Variants in SGIP1 observed in about 807,000 individuals in gnomAD.
SGIP1 encodes the protein SH3GL interacting endocytic adaptor 1, also known as SH3-containing GRB2-like protein 3-interacting protein 1.
A neutral mutation model predicts 107.5 loss-of-function variants in SGIP1; 38 were observed. The ratio of observed to expected loss-of-function variants is 0.35; its 90% CI spans 0.27 to 0.46. The LOEUF (loss-of-function observed/expected upper bound fraction) is 0.46. Ranked by LOEUF, SGIP1 falls within the 20% of genes least tolerant of loss-of-function variation. The pLI is 1.00. For missense variants in SGIP1, 929 were observed against 1,019.5 expected, an observed-to-expected ratio of 0.91 and a Z score of 1.21; for synonymous variants, 365 against 366.1, an observed-to-expected ratio of 1.00 and a Z score of 0.03.
intron 4 of SGIP1, 41 bp downstream of exon 4, chr1:66,636,056 T>A: frequency 1.3e-6 from 2 of 1,566,436 alleles, no homozygotes; most frequent in Non-Finnish European, 1.8e-6. Context: ...CAAAGGGTTA[T>A]AAAAAACAGT....
intron 13 of SGIP1, 113 bp from the exon 14 acceptor site, chr1:66,679,565 C>T (rs991193883): frequency 9.2e-7 from 1 of 1,090,082 alleles, no homozygotes; most frequent in Non-Finnish European, 1.3e-6. Context: ...AATTGCTATT[C>T]CATTTCCAAT....
intron 18 of SGIP1, among the ~76,000 whole-genome samples, chr1:66,702,709 T>A (rs1027904797): frequency 5.3e-5 from 8 of 152,218 alleles, no homozygotes; most frequent in African/African-American, 1.9e-4. Flanking sequence ...TCAGACTCAC[T>A]GATAATGTAG....
At chr1:66,741,563 T>C in intron 24 of SGIP1, 127 bp downstream of exon 24, 2 of 951,460 alleles carry the variant, frequency 2.1e-6, no homozygotes, top group Non-Finnish European at 2.9e-6. Flanking sequence ...CCCATCCCAA[T>C]TAGAAAACCA....
At chr1:66,693,369 G>C (rs561349979) in intron 17 of SGIP1, among the ~76,000 whole-genome samples, 5 of 151,914 alleles carry the variant, frequency 3.3e-5, no homozygotes, top group Non-Finnish European at 7.4e-5. Context: ...AATATTATGA[G>C]GATAGAGAAA....
chr1:66,685,636 G>T (rs1299903257), intron 15 of SGIP1, among the ~76,000 whole-genome samples: 4 of 152,202 alleles, frequency 2.6e-5, no homozygotes, highest in Admixed American at 2.6e-4. Context: ...ACCTAGGGTT[G>T]AATTAACTGA....
chr1:66,611,883 G>T (rs1570583391), intron 1 of SGIP1, among the ~76,000 whole-genome samples: 1 of 152,136 alleles, frequency 6.6e-6, no homozygotes, highest in Admixed American at 6.5e-5. Context: ...GTTTATACAT[G>T]CCTCATGTGA....
chr1:66,566,625 A>G (rs918083410), intron 1 of SGIP1, among the ~76,000 whole-genome samples: 5 of 152,018 alleles, frequency 3.3e-5, no homozygotes, highest in African/African-American at 1.2e-4. Flanking sequence ...AAAACATGAT[A>G]GCTATGAAAA....
chr1:66,714,224 A>G (rs1557724743), intron 18 of SGIP1, among the ~76,000 whole-genome samples: 1 of 152,292 alleles, frequency 6.6e-6, no homozygotes, highest in South Asian at 2.1e-4. Context: ...GAGGAAACTG[A>G]TTACAGAGAG....
chr1:66,542,033 A>G (rs2148063488), intron 1 of SGIP1, among the ~76,000 whole-genome samples: 1 of 152,270 alleles, frequency 6.6e-6, no homozygotes, highest in East Asian at 1.9e-4. Flanking sequence ...TCTGCAGAGG[A>G]TATGTTCCAA....
At chr1:66,733,035 G>A (rs2094087847) in intron 20 of SGIP1, among the ~76,000 whole-genome samples, 1 of 152,114 alleles carries the variant, frequency 6.6e-6, no homozygotes, top group South Asian at 2.1e-4. Context: ...AAGATAGATT[G>A]GGTAAGTGGT....
intron 1 of SGIP1, among the ~76,000 whole-genome samples, chr1:66,606,178 G>T (rs1441954122): frequency 6.6e-6 from 1 of 152,142 alleles, no homozygotes; most frequent in Non-Finnish European, 1.5e-5. Context: ...TCACCACGGG[G>T]TCTTACATGA....
intron 1 of SGIP1, chr1:66,590,719 A>T (rs951494661): frequency 1.3e-5 from 2 of 152,222 alleles, no homozygotes; most frequent in African/African-American, 4.8e-5. Flanking sequence ...CATATTACTA[A>T]GTGAAAGAAG....
At chr1:66,662,129 C>T (rs79487567) in intron 8 of SGIP1, among the ~76,000 whole-genome samples, 1,866 of 152,288 alleles carry the variant, frequency 0.012, 36 homozygotes, top group African/African-American at 0.043. Flanking sequence ...AATAGTTTGT[C>T]TTCACCCTAA....
intron 1 of SGIP1, among the ~76,000 whole-genome samples, chr1:66,603,295 G>A (rs2066216960): frequency 6.6e-6 from 1 of 152,066 alleles, no homozygotes. Flanking sequence ...CATTAGATGT[G>A]TACTAGGGTT....
chr1:66,593,459 A>G (rs544367297), intron 1 of SGIP1, among the ~76,000 whole-genome samples: 1 of 152,290 alleles, frequency 6.6e-6, no homozygotes, highest in South Asian at 2.1e-4. Flanking sequence ...TACCTTTCAC[A>G]TGGATTGATG....
In SGIP1 at chr1:66,679,684, C is replaced by T. The variant is rs2086221170; in HGVS notation, c.746C>T (p.Pro249Leu). 1.2e-6 allele frequency: 2 copies of T among 1,606,384 alleles called. No homozygotes were observed. The highest frequency in any genetic ancestry group is 1.3e-5 in the African/African-American group (1 of 74,428). ...LTRPFPTGTPPPLPPKNVPAT... is the reference protein window; with the variant it reads ...LTRPFPTGTPLPLPPKNVPAT... Reference sequence around the variant, plus strand: ...ATTTCTCATCTTTTTGCAGCACCTCCACCACTGCCTCCAAAAAATGTACCA... The same window carrying T: ...ATTTCTCATCTTTTTGCAGCACCTCTACCACTGCCTCCAAAAAATGTACCA... The change falls in exon 14 of 25, where the codon CCA (proline) becomes CTA (leucine). Residue 249 changes from proline (P) to leucine (L), a missense_variant. By Grantham distance (98) the Pro-to-Leu change is moderately conservative (BLOSUM62 -3). This residue lies in a region of SGIP1 where 588 missense variants were observed against 588.6 expected (regional missense o/e 1.00). Coordinates refer to ENST00000371037, the MANE Select transcript of SGIP1 (RefSeq NM_032291.4).
chr1:66,677,571 A>C lies in SGIP1; in HGVS notation c.739+475A>C, dbSNP rs181452484. ...CAAGAGAACTGAGGCTATATGGTAG[A>C]GAGAAGCTGAGATAGTAGATCAGAG... On this transcript the variant is annotated intron_variant, in intron 13 of 24. Coordinates refer to ENST00000371037, the MANE Select transcript of SGIP1 (RefSeq NM_032291.4). 1.3e-3 allele frequency among the ~76,000 whole-genome samples: 204 copies of C among 152,278 alleles called. 1 individual carries two copies. The highest frequency in any genetic ancestry group is 3.4e-3 in the Middle Eastern group (1 of 294).
At position 66,600,306 on chromosome 1, in the gene SGIP1, C is replaced by T. The variant is rs142449730; in HGVS notation, c.11-25541C>T. ...ATCTTTTTTCAATTTGAATAGCTTT[C>T]GTTTGTTCTACCATTCTGCTAGAAA... On this transcript the variant is annotated intron_variant, in intron 1 of 24. Coordinates refer to ENST00000371037, the MANE Select transcript of SGIP1 (RefSeq NM_032291.4). Among the ~76,000 whole-genome samples the T allele has an allele frequency of 3.2e-3, 483 of 152,190 alleles. 2 individuals carry two copies. Among genetic ancestry groups the T allele is most frequent in the African/African-American group, 0.011 (458 of 41,518 alleles).
chr1:66,672,744 T>A (rs1218731152), intron 11 of SGIP1, among the ~76,000 whole-genome samples: 1 of 151,996 alleles, frequency 6.6e-6, no homozygotes, highest in Non-Finnish European at 1.5e-5. Context: ...TCTCAATACT[T>A]CTCTTTCTGA....
Sources: gnomAD v4.1 joint callset for allele counts (sites outside exome capture counted in the v4.1 genomes callset) on GRCh38, gnomAD v4.1.1 for gene constraint, gnomAD v4.1.1 regional missense constraint, MANE v1.5 for transcripts, NCBI Gene and HGNC (gene_info 2026-07-23, HGNC 2026-07-21) for gene names.